The following TP63 variants were observed in gnomAD, a reference collection of about 807,000 sequenced individuals.
TP63 encodes tumor protein 63.
In TP63, 17 loss-of-function variants were observed where a neutral mutation model predicts 82.8. That is an observed-to-expected ratio of 0.21 (90% CI 0.14 to 0.31). TP63 has a LOEUF of 0.31. Ranked by LOEUF, TP63 falls within the 10% of genes least tolerant of loss-of-function variation. The pLI is 1.00. For missense variants in TP63, 648 were observed against 895.3 expected (o/e 0.72, Z 3.52); for synonymous variants, 330 against 321.7 (o/e 1.03, Z -0.28).
intron 1 of TP63, among the ~76,000 whole-genome samples, chr3:189,654,335 G>T (rs1188709050): frequency 6.6e-6 from 1 of 151,722 alleles, no homozygotes; most frequent in Non-Finnish European, 1.5e-5. Context: ...TTATTAAACT[G>T]AAATGTATGT....
At chr3:189,674,061 G>A (rs1438460159) in intron 1 of TP63, among the ~76,000 whole-genome samples, 1 of 152,064 alleles carries the variant, frequency 6.6e-6, no homozygotes, top group South Asian at 2.1e-4. Context: ...TTTCATAATG[G>A]TGAGAAATCC....
chr3:189,724,945 A>T (rs762808642), intron 1 of TP63, among the ~76,000 whole-genome samples: 27 of 152,230 alleles, frequency 1.8e-4, no homozygotes, highest in Middle Eastern at 3.2e-3. Flanking sequence ...ATTGATATTT[A>T]AAAAATATGG....
intron 10 of TP63, 181 bp downstream of exon 10, chr3:189,873,176 A>G: frequency 1.2e-6 from 1 of 808,062 alleles, no homozygotes. Context: ...TCTTATTATA[A>G]CCTTCCCTTC....
At chr3:189,784,747 T>G (rs1246823504) in intron 3 of TP63, among the ~76,000 whole-genome samples, 3 of 152,066 alleles carry the variant, frequency 2.0e-5, no homozygotes, top group Non-Finnish European at 4.4e-5. Context: ...CACCCTAAAA[T>G]GGGTGAGATC....
At chr3:189,778,169 G>A (rs1225642969) in intron 3 of TP63, among the ~76,000 whole-genome samples, 2 of 152,078 alleles carry the variant, frequency 1.3e-5, no homozygotes, top group Non-Finnish European at 2.9e-5. Context: ...GCCTGGCCGA[G>A]TCTTATTCTT....
chr3:189,641,717 A>C (rs566938190), intron 1 of TP63, among the ~76,000 whole-genome samples: 2 of 152,186 alleles, frequency 1.3e-5, no homozygotes, highest in Non-Finnish European at 2.9e-5. Flanking sequence ...TTATTAATTA[A>C]GAATGTTATA....
intron 1 of TP63, among the ~76,000 whole-genome samples, chr3:189,632,151 G>A (rs992288145): frequency 6.6e-6 from 1 of 152,120 alleles, no homozygotes; most frequent in Non-Finnish European, 1.5e-5. Flanking sequence ...ATATTAGTGA[G>A]GGTGCACAAT....
intron 1 of TP63, among the ~76,000 whole-genome samples, chr3:189,699,623 T>G (rs188790152): frequency 6.6e-6 from 1 of 152,182 alleles, no homozygotes; most frequent in Non-Finnish European, 1.5e-5. Flanking sequence ...CTGCCCTTCA[T>G]TAACATAGGT....
chr3:189,829,496 C>T (rs1036821798), intron 4 of TP63, among the ~76,000 whole-genome samples: 1 of 152,226 alleles, frequency 6.6e-6, no homozygotes, highest in Admixed American at 6.5e-5. Flanking sequence ...AGCTGGAGAA[C>T]AGCACGTGTT....
chr3:189,677,424 A>G (rs535872829), intron 1 of TP63, among the ~76,000 whole-genome samples: 21 of 140,750 alleles, frequency 1.5e-4, no homozygotes, highest in African/African-American at 4.3e-4. Context: ...ATACACGTAT[A>G]CATATATACA....
intron 1 of TP63, among the ~76,000 whole-genome samples, chr3:189,735,783 A>G (rs1449275716): frequency 6.6e-6 from 1 of 152,164 alleles, no homozygotes; most frequent in Non-Finnish European, 1.5e-5. Context: ...ATGAATACTG[A>G]CTGTGGTGAT....
chr3:189,682,398 A>AG (rs1715991896), intron 1 of TP63, among the ~76,000 whole-genome samples: 2 of 147,912 alleles, frequency 1.4e-5, no homozygotes, highest in African/African-American at 5.0e-5. Flanking sequence ...AGTTTCTAGG[A>AG]GGGGGGTACC....
intron 4 of TP63, among the ~76,000 whole-genome samples, chr3:189,823,376 A>G (rs1728996168): frequency 6.6e-6 from 1 of 152,158 alleles, no homozygotes; most frequent in Admixed American, 6.5e-5. Context: ...TCGGTATATA[A>G]AGTAGATTAA....
intron 3 of TP63, among the ~76,000 whole-genome samples, chr3:189,767,924 G>A (rs555603404): frequency 2.6e-5 from 4 of 152,086 alleles, no homozygotes; most frequent in South Asian, 2.1e-4. Flanking sequence ...TGTCAGTTTC[G>A]TCACTTACAA....
intron 1 of TP63, among the ~76,000 whole-genome samples, chr3:189,719,922 A>G (rs1397103406): frequency 6.6e-6 from 1 of 152,226 alleles, no homozygotes; most frequent in African/African-American, 2.4e-5. Context: ...ATAAACCTTA[A>G]AAGGATTTTT....
chr3:189,857,072 A>G (rs957474113), intron 4 of TP63, among the ~76,000 whole-genome samples: 1 of 152,160 alleles, frequency 6.6e-6, no homozygotes, highest in Non-Finnish European at 1.5e-5. Flanking sequence ...TAGCCAGAAC[A>G]ATTTTTAAAA....
intron 3 of TP63, among the ~76,000 whole-genome samples, chr3:189,757,460 T>C (rs561219526): frequency 4.5e-4 from 68 of 152,356 alleles, no homozygotes; most frequent in African/African-American, 1.6e-3. Context: ...AGGAGAGCTG[T>C]TCTGATAACT....
chr3:189,760,761 C>T (rs1482689479), intron 3 of TP63, among the ~76,000 whole-genome samples: 1 of 152,178 alleles, frequency 6.6e-6, no homozygotes, highest in Non-Finnish European at 1.5e-5. Context: ...TCCCTTCTGC[C>T]CTGCCCTAAT....
chr3:189,730,129 G>A (rs186002434), intron 1 of TP63, among the ~76,000 whole-genome samples: 209 of 152,292 alleles, frequency 1.4e-3, no homozygotes, highest in Non-Finnish European at 2.3e-3. Flanking sequence ...GGATGGATAG[G>A]TGGAAGAAGT....
Sources: allele counts gnomAD v4.1 joint callset (sites outside exome capture counted in the v4.1 genomes callset), GRCh38; gene constraint gnomAD v4.1.1; transcripts MANE v1.5; gene names NCBI Gene and HGNC (gene_info 2026-07-23, HGNC 2026-07-21).